The following TECTA variants were observed in gnomAD, a reference collection of about 807,000 sequenced individuals.
TECTA encodes the protein tectorin alpha.
In TECTA, 128 loss-of-function variants were observed where a neutral mutation model predicts 216.8. That is an observed-to-expected ratio of 0.59 (90% confidence interval 0.51 to 0.68). The LOEUF (loss-of-function observed/expected upper bound fraction) is 0.68, where lower values mean the gene tolerates loss of function less well. Ranked by LOEUF, TECTA falls within the 30% of genes least tolerant of loss-of-function variation. The pLI is 0.00. For synonymous variants in TECTA, 1,089 were observed against 1,117.1 expected (o/e 0.97, Z 0.50); for missense variants, 2,551 against 2,786.2 (o/e 0.92, Z 1.90).
chr11:121,158,308 C>T, intron 14 of TECTA, 84 bp downstream of exon 14: 1 of 1,558,452 alleles, frequency 6.4e-7, no homozygotes, highest in South Asian at 1.1e-5. Flanking sequence ...TCCCAGATAG[C>T]CAAGTTGTAG....
chr11:121,106,835 T>C (rs1237291637), intron 3 of TECTA, among the ~76,000 whole-genome samples: 1 of 152,134 alleles, frequency 6.6e-6, no homozygotes, highest in African/African-American at 2.4e-5. Context: ...TCCCTGAACC[T>C]GCAGAAGCAG....
chr11:121,159,920 C>G (rs947056962), intron 14 of TECTA, among the ~76,000 whole-genome samples: 1 of 152,158 alleles, frequency 6.6e-6, no homozygotes, highest in African/African-American at 2.4e-5. Flanking sequence ...TGCTTGCTGC[C>G]TGTTTGTGTA....
intron 4 of TECTA, among the ~76,000 whole-genome samples, chr11:121,111,687 GCTTTAGTCCTTGTGTGACTTTGA>G (rs1946443244): frequency 6.6e-6 from 1 of 152,202 alleles, no homozygotes; most frequent in South Asian, 2.1e-4. Context: ...GGAGGCTCTA[GCTTTAGTCCTTGTGTGACTTTGA>G]CTTTGCCCCT....
At position 121,137,846 on chromosome 11, in the gene TECTA, C is replaced by T. The variant is rs777722249; in HGVS notation, c.3367C>T (p.Pro1123Ser). Residue 1123 changes from proline to serine, a missense_variant, in exon 11 of 24, where the codon CCA becomes TCA. Physicochemically the swap from Pro to Ser is moderately conservative, Grantham distance 74 (BLOSUM62 -1). Around this residue, in one of 3 missense-constraint regions of TECTA, gnomAD observed 2,375 missense variants for 2,563.9 expected, o/e 0.93. Coordinates refer to ENST00000392793, the MANE Select transcript of TECTA (RefSeq NM_005422.4). ...CCCCTTTGACTTCCAGACCAGCTGC[C>T]CACTCATCCTGTGCACCACAGGAAG... ...GFPFDFQTSC[P>S]LILCTTGSRP... 6.2e-7 allele frequency: 1 copy of T among 1,608,970 alleles called. No individual in the cohort carries two copies. The highest frequency in any genetic ancestry group is 2.2e-5 in the East Asian group (1 of 44,706).
In TECTA at chr11:121,125,583, A is replaced by G. The variant is rs536069; in HGVS notation, c.1485A>G (p.Ala495=). ...GAGAGAGCTGGCGTGTGTACCACGC[A>G]GACTGGAAGTGCGACTCCGGCTGCG... ...DLGESWRVYH[A]DWKCDSGCVD... Residue 495 remains alanine, a synonymous_variant, in exon 8 of 24, where the codon GCA becomes GCG. Coordinates refer to ENST00000392793, the MANE Select transcript of TECTA (RefSeq NM_005422.4). The G allele has an allele frequency of 0.71, 1,142,468 of 1,613,962 alleles. 407,423 individuals are homozygous for G. Among genetic ancestry groups the G allele is most frequent in the African/African-American group, 0.93 (70,102 of 75,030 alleles).
intron 13 of TECTA, among the ~76,000 whole-genome samples, chr11:121,155,794 G>A (rs1443878241): frequency 1.3e-5 from 2 of 152,252 alleles, no homozygotes; most frequent in Non-Finnish European, 2.9e-5. Flanking sequence ...GGACAATCAT[G>A]ACCAATTTCC....
chr11:121,173,322 G>C (rs1350893076), intron 20 of TECTA, among the ~76,000 whole-genome samples: 1 of 150,006 alleles, frequency 6.7e-6, no homozygotes, highest in African/African-American at 2.5e-5. Flanking sequence ...TATGGTTTTA[G>C]GTCTAATGTT....
At chr11:121,107,126 T>C (rs956887380) in intron 3 of TECTA, among the ~76,000 whole-genome samples, 1 of 152,244 alleles carries the variant, frequency 6.6e-6, no homozygotes, top group African/African-American at 2.4e-5. Flanking sequence ...CCTTTTATAC[T>C]CTATTCACGG....
Position 121,190,829 on chromosome 11 carries a change from A to G in TECTA, c.*23A>G. 1 of 1,565,584 alleles carries G rather than the reference A, an allele frequency of 6.4e-7. No individual in the cohort carries two copies. On this transcript the variant is annotated 3_prime_UTR_variant, in exon 24 of 24. Transcript: ENST00000392793. ...TAATTAACTCAAGGTTGCTATATAA[A>G]GTACTGTAATTTACTTACTTCAACA...
chr11:121,158,338 G>A lies in TECTA; in HGVS notation c.4689+114G>A, dbSNP rs1946965600. The A allele has an allele frequency of 2.8e-6, 4 of 1,407,794 alleles. No homozygotes were observed. The Admixed American group carries it at 5.3e-5, about 19-fold the overall frequency. 87.2% of individuals were successfully genotyped at this position (1,407,794 alleles called of 1,614,324 possible). On this transcript the variant is annotated intron_variant, in intron 14 of 23. Coordinates refer to ENST00000392793, the MANE Select transcript of TECTA (RefSeq NM_005422.4). ...TTGTAGGATAGATTGTTGCTTCATGGTGTTCCACACACAGTGACCAGGTTT... is the reference window on the plus strand; with the variant it reads ...TTGTAGGATAGATTGTTGCTTCATGATGTTCCACACACAGTGACCAGGTTT...
At chr11:121,122,362 C>T (rs608818) in intron 7 of TECTA, among the ~76,000 whole-genome samples, 31,044 of 151,972 alleles carry the variant, frequency 0.2, 3,235 homozygotes, top group East Asian at 0.23. Flanking sequence ...AGTGGGCTCT[C>T]GCCAGACAAT....
intron 20 of TECTA, among the ~76,000 whole-genome samples, chr11:121,186,725 T>A (rs1947292209): frequency 6.6e-6 from 1 of 152,250 alleles, no homozygotes; most frequent in African/African-American, 2.4e-5. Flanking sequence ...AGTGTGGGAA[T>A]GCTGAAGGAT....
intron 3 of TECTA, 111 bp downstream of exon 3, chr11:121,106,075 G>A (rs1946387543): frequency 6.4e-7 from 1 of 1,555,648 alleles, no homozygotes; most frequent in Non-Finnish European, 8.8e-7. Flanking sequence ...AGGATTTATT[G>A]GCAGCCAAAA....
At chr11:121,173,931 T>C (rs1005995175) in intron 20 of TECTA, among the ~76,000 whole-genome samples, 2 of 151,770 alleles carry the variant, frequency 1.3e-5, no homozygotes, top group Admixed American at 6.6e-5. Context: ...GATTCCTAGG[T>C]ATTTTATTCT....
In TECTA at chr11:121,113,316, C is replaced by G. The variant is rs1445268463; in HGVS notation, c.624+107C>G. On this transcript the variant is annotated intron_variant, in intron 5 of 23. Coordinates refer to ENST00000392793, the MANE Select transcript of TECTA (RefSeq NM_005422.4). This position sits in a 1 kb window ranked among gnomAD's most constrained non-coding sequence, Gnocchi z 4.2. ...CCTGCCACCAGCTTTTAACTAGAGACGCAGGTCTGATCTCGCAGGTGGACT... is the reference window on the plus strand; with the variant it reads ...CCTGCCACCAGCTTTTAACTAGAGAGGCAGGTCTGATCTCGCAGGTGGACT... The G allele has an allele frequency of 1.3e-6, 2 of 1,585,352 alleles. No individual in the cohort carries two copies. The highest frequency in any genetic ancestry group is 1.7e-6 in the Non-Finnish European group (2 of 1,162,516).
intron 7 of TECTA, among the ~76,000 whole-genome samples, chr11:121,125,098 T>G (rs2135076819): frequency 6.6e-6 from 1 of 152,358 alleles, no homozygotes; most frequent in Middle Eastern, 3.4e-3. Context: ...ATATACACAG[T>G]GCGTGGGCTG....
intron 20 of TECTA, among the ~76,000 whole-genome samples, chr11:121,175,454 A>G (rs1169631159): frequency 6.6e-6 from 1 of 151,972 alleles, no homozygotes; most frequent in East Asian, 1.9e-4. Context: ...TTTTGTACCC[A>G]TAGTCGTTCA....
At chr11:121,175,264 A>T (rs1046382369) in intron 20 of TECTA, among the ~76,000 whole-genome samples, 4 of 151,004 alleles carry the variant, frequency 2.6e-5, no homozygotes, top group African/African-American at 9.8e-5. Context: ...TTGCTTTTCT[A>T]GTTCTTTTAA....
At chr11:121,178,331 G>A (rs556926858) in intron 20 of TECTA, among the ~76,000 whole-genome samples, 34 of 152,144 alleles carry the variant, frequency 2.2e-4, no homozygotes, top group Middle Eastern at 3.4e-3. Context: ...GCTCCCAACC[G>A]TTCTATTGTT....
Sources: gnomAD v4.1 joint callset for allele counts (sites outside exome capture counted in the v4.1 genomes callset) on GRCh38, gnomAD v4.1.1 for gene constraint, gnomAD v4.1.1 regional missense constraint, Gnocchi (gnomAD v3.1) non-coding constraint, MANE v1.5 for transcripts, NCBI Gene and HGNC (gene_info 2026-07-23, HGNC 2026-07-21) for gene names.